Variants in ABTB2 observed in about 807,000 individuals in gnomAD.
ABTB2 encodes ankyrin repeat and BTB/POZ domain-containing protein 2.
Under a neutral mutation model 104.1 loss-of-function variants are expected in ABTB2, and 56 were observed. The observed-to-expected ratio is 0.54, with a 90% CI of 0.43 to 0.67. The LOEUF (loss-of-function observed/expected upper bound fraction) is 0.67. ABTB2 is among the 30% of genes least tolerant of loss of function. The probability of loss-of-function intolerance (pLI) is 0.00; values close to 1 mark genes in which losing one functional copy is unlikely to be tolerated. For synonymous variants in ABTB2, 606 were observed against 608.2 expected, an observed-to-expected ratio of 1.00 and a Z score of 0.05; for missense variants, 1,279 against 1,407.7, an observed-to-expected ratio of 0.91 and a Z score of 1.46.
At chr11:34,229,394 T>C (rs1853738021) in intron 1 of ABTB2, among the ~76,000 whole-genome samples, 1 of 147,790 alleles carries the variant, frequency 6.8e-6, no homozygotes, top group South Asian at 2.1e-4. Context: ...GGCAGGAGAA[T>C]GGCGTGAACC....
chr11:34,312,150 A>AAAAAAG (rs1213153878), intron 1 of ABTB2, among the ~76,000 whole-genome samples: 16 of 151,874 alleles, frequency 1.1e-4, no homozygotes, highest in Non-Finnish European at 1.6e-4. Flanking sequence ...CAAAAAAAAA[A>AAAAAAG]AAAAAGAAAA....
At chr11:34,247,280 G>A (rs182615488) in intron 1 of ABTB2, among the ~76,000 whole-genome samples, 198 of 152,316 alleles carry the variant, frequency 1.3e-3, no homozygotes, top group Non-Finnish European at 2.2e-3. Context: ...CCAAAGCTGC[G>A]AAGGAGGAAT....
At chr11:34,195,075 C>CGGGGGGGGGGGGGGGGGGGGGGGG (rs1461939590) in intron 3 of ABTB2, among the ~76,000 whole-genome samples, 1 of 18,066 alleles carries the variant, frequency 5.5e-5, no homozygotes, top group Admixed American at 6.6e-4. Flanking sequence ...AGATGCCCGG[C>CGGGGGGGGGGGGGGGGGGGGGGGG]GGGGGGGGGG....
chr11:34,164,968 G>A (rs1852778190), intron 8 of ABTB2, 147 bp from the exon 9 acceptor site: 2 of 1,089,974 alleles, frequency 1.8e-6, no homozygotes, highest in Admixed American at 3.2e-5. Context: ...TTTGGTGGAC[G>A]AAGTGAAGGG....
chr11:34,239,044 C>T (rs1212512211), intron 1 of ABTB2, among the ~76,000 whole-genome samples: 3 of 152,324 alleles, frequency 2.0e-5, no homozygotes, highest in Admixed American at 6.5e-5. Flanking sequence ...TGAGCCACCA[C>T]GCCCAGCCCA....
chr11:34,283,736 T>A (rs978295744), intron 1 of ABTB2, among the ~76,000 whole-genome samples: 1 of 152,144 alleles, frequency 6.6e-6, no homozygotes, highest in South Asian at 2.1e-4. Context: ...TTTTTGTAGG[T>A]GGTCTTTCAA....
At chr11:34,190,982 C>A (rs530122965) in intron 3 of ABTB2, among the ~76,000 whole-genome samples, 1 of 152,322 alleles carries the variant, frequency 6.6e-6, no homozygotes, top group East Asian at 1.9e-4. Context: ...ACTATCTTCA[C>A]CATTTTACTG....
intron 1 of ABTB2, among the ~76,000 whole-genome samples, chr11:34,292,119 A>G (rs963791367): frequency 1.3e-5 from 2 of 152,142 alleles, no homozygotes; most frequent in African/African-American, 4.8e-5. Context: ...AGTCAAGCAT[A>G]TAGTGTATTT....
Position 34,152,360 on chromosome 11 carries a change from T to C in ABTB2, c.*27A>G. 1 of 1,543,936 alleles carries C rather than the reference T, an allele frequency of 6.5e-7. No individual in the cohort carries two copies. The highest frequency in any genetic ancestry group is 8.7e-7 in the Non-Finnish European group (1 of 1,144,390). ...TGGGCCCTGGCACCTCCACAGGCCC[T>C]GGCCTCGGCAGCCTCCGCCCCCTGC... On this transcript the variant is annotated 3_prime_UTR_variant, in exon 17 of 17. Coordinates refer to ENST00000435224, the MANE Select transcript of ABTB2 (RefSeq NM_145804.3).
At chr11:34,237,031 G>A (rs896601897) in intron 1 of ABTB2, among the ~76,000 whole-genome samples, 1 of 152,178 alleles carries the variant, frequency 6.6e-6, no homozygotes, top group African/African-American at 2.4e-5. Flanking sequence ...TTATGGAGTC[G>A]TGGCCAAGAG....
At chr11:34,224,795 C>T (rs1565145427) in intron 1 of ABTB2, among the ~76,000 whole-genome samples, 1 of 152,208 alleles carries the variant, frequency 6.6e-6, no homozygotes, top group African/African-American at 2.4e-5. Flanking sequence ...TCTCTAATCA[C>T]CACTGAACTC....
chr11:34,250,752 A>G (rs1333758288), intron 1 of ABTB2, among the ~76,000 whole-genome samples: 2 of 152,230 alleles, frequency 1.3e-5, no homozygotes, highest in Admixed American at 1.3e-4. Context: ...TTCTGCGGCT[A>G]CAAATGCTCT....
chr11:34,153,106 G>T lies in ABTB2; in HGVS notation c.2881-522C>A, dbSNP rs142894448. On this transcript the variant is annotated intron_variant, in intron 16 of 16. Coordinates refer to ENST00000435224, the MANE Select transcript of ABTB2 (RefSeq NM_145804.3). ...GAAGGAGGTAAAGCCAACGTGACAG[G>T]ATGGCTTGTGAGAGGCCAGGGGAGG... Among the ~76,000 whole-genome samples the T allele has an allele frequency of 1.7e-4, 26 of 152,302 alleles. No individual in the cohort carries two copies. The East Asian group carries it at 5.0e-3, about 29-fold the overall frequency.
intron 1 of ABTB2, among the ~76,000 whole-genome samples, chr11:34,316,462 C>T (rs943865274): frequency 7.2e-5 from 11 of 152,186 alleles, no homozygotes; most frequent in African/African-American, 2.7e-4. Flanking sequence ...GCCTTCTGCT[C>T]CTCTGGGAGG....
intron 1 of ABTB2, among the ~76,000 whole-genome samples, chr11:34,299,544 C>A (rs773395283): frequency 6.6e-6 from 1 of 152,228 alleles, no homozygotes; most frequent in Non-Finnish European, 1.5e-5. Context: ...GAGGTGGCAG[C>A]TCGGCCCATC....
intron 4 of ABTB2, among the ~76,000 whole-genome samples, chr11:34,171,721 C>G (rs1245492110): frequency 6.6e-6 from 1 of 152,158 alleles, no homozygotes; most frequent in Non-Finnish European, 1.5e-5. Flanking sequence ...TGCCTCAGCA[C>G]TTGGCTGTAT....
intron 1 of ABTB2, among the ~76,000 whole-genome samples, chr11:34,277,174 T>A (rs1022178089): frequency 6.6e-6 from 1 of 152,132 alleles, no homozygotes; most frequent in Non-Finnish European, 1.5e-5. Context: ...AGTGCTGGGA[T>A]TACAGGCGTA....
rs542173771 is a variant in ABTB2 at position 34,252,931 on chromosome 11, G to A, written c.884-48241C>T. 6.6e-6 allele frequency among the ~76,000 whole-genome samples: 1 copy of A among 152,164 alleles called. No individual in the cohort carries two copies. The highest frequency in any genetic ancestry group is 1.9e-4 in the East Asian group (1 of 5,148). On this transcript the variant is annotated intron_variant, in intron 1 of 16. Coordinates refer to ENST00000435224, the MANE Select transcript of ABTB2 (RefSeq NM_145804.3). This position sits in a 1 kb window ranked among gnomAD's most constrained non-coding sequence, Gnocchi z 5.5. Reference sequence around the variant, plus strand: ...CCCGATTCCACCCCTCCACCCCCAGGAGGAAGAGCTGCTTTGGCAGCTGCC... The same window carrying A: ...CCCGATTCCACCCCTCCACCCCCAGAAGGAAGAGCTGCTTTGGCAGCTGCC...
rs542526638 is a variant in ABTB2, at chr11:34,257,733, G to A, written c.884-53043C>T. On this transcript the variant is annotated intron_variant, in intron 1 of 16. Transcript: ENST00000435224. Reference sequence around the variant, plus strand: ...CTCCTGAGTAGCTGGGGCTACAGGCGTACACCACCACATCTGGCTAATTTA... The same window carrying A: ...CTCCTGAGTAGCTGGGGCTACAGGCATACACCACCACATCTGGCTAATTTA... Among the ~76,000 whole-genome samples the A allele has an allele frequency of 1.2e-4, 18 of 152,172 alleles. No individual in the cohort carries two copies. In the South Asian group the frequency reaches 2.5e-3, roughly 21 times the overall value.
Sources: gnomAD v4.1 joint callset for allele counts (sites outside exome capture counted in the v4.1 genomes callset) on GRCh38, gnomAD v4.1.1 for gene constraint, Gnocchi (gnomAD v3.1) non-coding constraint, MANE v1.5 for transcripts, NCBI Gene and HGNC (gene_info 2026-07-23, HGNC 2026-07-21) for gene names.